ZNF451: variants seen among roughly 807,000 people sequenced by gnomAD.
ZNF451 encodes the protein zinc finger protein 451, also known as E3 SUMO-protein ligase ZNF451.
ZNF451 carries 80 observed loss-of-function variants against 107.1 expected under a neutral mutation model. The ratio of observed to expected loss-of-function variants is 0.75; its 90% CI spans 0.62 to 0.90. The LOEUF is 0.90. Among genes scored for constraint, ZNF451 ranks in the 40% least tolerant of loss-of-function variants. The pLI, the probability that ZNF451 is intolerant of heterozygous loss-of-function variation, is 0.00. For missense variants in ZNF451, 1,107 were observed against 1,236.2 expected, an observed-to-expected ratio of 0.90 and a Z score of 1.57; for synonymous variants, 362 against 406.5, an observed-to-expected ratio of 0.89 and a Z score of 1.32.
At chr6:57,105,325 CAA>C (rs1166091630) in intron 3 of ZNF451, 2 of 983,684 alleles carry the variant, frequency 2.0e-6, no homozygotes, top group African/African-American at 1.7e-5. Flanking sequence ...TATATAGAGA[CAA>C]TATGGTTTCT....
intron 3 of ZNF451, chr6:57,104,088 T>C: frequency 1.0e-6 from 1 of 984,522 alleles, no homozygotes; most frequent in Non-Finnish European, 1.2e-6. Context: ...AATATTTATC[T>C]TATTTTTCTG....
rs576639300 is a variant in ZNF451 at position 57,134,926 on chromosome 6, G to A, written c.702+56G>A. ...TTTTTCTAGATAGCCATGGAGTTAA[G>A]TGGAGGTTTTTTCCTGCTGTTCTTA... On this transcript the variant is annotated intron_variant, in intron 7 of 14. Transcript: ENST00000370706. 31 of 1,481,676 alleles carry A rather than the reference G, an allele frequency of 2.1e-5. 1 individual carries two copies. The South Asian group carries it at 3.6e-4, about 17-fold the overall frequency. 91.8% of individuals were successfully genotyped at this position (1,481,676 alleles called of 1,614,324 possible).
intron 3 of ZNF451, chr6:57,104,582 C>T (rs535449466): frequency 2.0e-6 from 2 of 985,082 alleles, no homozygotes; most frequent in African/African-American, 3.5e-5. Context: ...TTCCCCTTCC[C>T]TTTGCCTTTT....
rs758611945 is a variant in ZNF451, at chr6:57,134,704, G to A, written c.576-40G>A. ...GACATAGTTGTTTCCCTAGAATGTA[G>A]ATTTATCTAATATTACCTCTTACCT... On this transcript the variant is annotated intron_variant, in intron 6 of 14. Transcript: ENST00000370706. 4 of 1,588,598 alleles carry A rather than the reference G, an allele frequency of 2.5e-6. No individual in the cohort carries two copies. In the East Asian group the frequency reaches 9.0e-5, roughly 36 times the overall value.
intron 11 of ZNF451, 90 bp from the exon 12 acceptor site, chr6:57,152,130 AT>A: frequency 7.3e-7 from 1 of 1,369,724 alleles, no homozygotes. Context: ...CTCTAGAAAA[AT>A]TTTTTTCTAG....
intron 3 of ZNF451, chr6:57,116,777 G>A (rs1277689460): frequency 6.6e-6 from 1 of 151,966 alleles, no homozygotes; most frequent in Non-Finnish European, 1.5e-5. Flanking sequence ...AGTATTGGTA[G>A]CCAGAGTTCC....
intron 3 of ZNF451, chr6:57,101,289 T>G: frequency 1.7e-5 from 27 of 1,550,912 alleles, no homozygotes; most frequent in Non-Finnish European, 2.4e-5. Context: ...ATTGTGTGAC[T>G]TCTAAAAAAC....
chr6:57,157,040 G>C (rs1248631896), intron 13 of ZNF451, among the ~76,000 whole-genome samples: 1 of 152,136 alleles, frequency 6.6e-6, no homozygotes, highest in Non-Finnish European at 1.5e-5. Context: ...CCTGGGGTTG[G>C]GGACTCCTGC....
intron 3 of ZNF451, among the ~76,000 whole-genome samples, chr6:57,112,919 G>A (rs889302240): frequency 1.3e-5 from 2 of 152,126 alleles, no homozygotes; most frequent in Admixed American, 1.3e-4. Context: ...TCATTAAAAA[G>A]CCACAAAGTA....
chr6:57,109,296 T>C (rs1025676766), intron 3 of ZNF451: 4 of 983,196 alleles, frequency 4.1e-6, no homozygotes, highest in East Asian at 2.4e-4. Context: ...TTGTTTCATA[T>C]ACACACATTT....
intron 7 of ZNF451, among the ~76,000 whole-genome samples, chr6:57,138,733 A>G (rs1224751253): frequency 0.049 from 5,373 of 108,994 alleles, 177 homozygotes; most frequent in Non-Finnish European, 0.067. Flanking sequence ...ATATATATAT[A>G]TATATATATG....
intron 14 of ZNF451, among the ~76,000 whole-genome samples, chr6:57,164,023 G>C (rs1460401694): frequency 6.6e-6 from 1 of 152,172 alleles, no homozygotes; most frequent in Non-Finnish European, 1.5e-5. Flanking sequence ...CAGAAGACAG[G>C]ATAAATCTGC....
At chr6:57,138,767 GTGTGTGTGTA>G (rs1831593349) in intron 7 of ZNF451, among the ~76,000 whole-genome samples, 3 of 127,598 alleles carry the variant, frequency 2.4e-5, no homozygotes, top group African/African-American at 5.8e-5. Context: ...GTGTGTGTGT[GTGTGTGTGTA>G]TATATATATA....
At chr6:57,132,991 A>T in intron 5 of ZNF451, 51 bp from the exon 6 acceptor site, 5 of 1,593,082 alleles carry the variant, frequency 3.1e-6, no homozygotes, top group Non-Finnish European at 4.3e-6. Context: ...ACTAGCCCAA[A>T]GGATAAGTAT....
intron 7 of ZNF451, among the ~76,000 whole-genome samples, chr6:57,136,094 T>A (rs977116233): frequency 6.6e-6 from 1 of 152,264 alleles, no homozygotes; most frequent in African/African-American, 2.4e-5. Context: ...CAGATTTTAT[T>A]TTACACTGAC....
intron 13 of ZNF451, 52 bp from the exon 14 acceptor site, chr6:57,161,032 G>T: frequency 8.6e-7 from 1 of 1,158,444 alleles, no homozygotes; most frequent in South Asian, 1.6e-5. Context: ...ATAATATTGA[G>T]AATACATAAA....
intron 13 of ZNF451, among the ~76,000 whole-genome samples, chr6:57,157,617 A>C (rs1031064804): frequency 6.6e-6 from 1 of 152,210 alleles, no homozygotes; most frequent in East Asian, 1.9e-4. Context: ...ACATTTAAAA[A>C]GTCTATTAAC....
At chr6:57,130,217 T>C (rs1831119562) in intron 5 of ZNF451, among the ~76,000 whole-genome samples, 1 of 152,140 alleles carries the variant, frequency 6.6e-6, no homozygotes, top group Admixed American at 6.5e-5. Flanking sequence ...AGCCTAGAAC[T>C]TGGGCTCCAA....
intron 13 of ZNF451, chr6:57,159,215 TATG>T: frequency 2.0e-6 from 2 of 985,450 alleles, no homozygotes; most frequent in South Asian, 4.7e-5. Context: ...AGAAACCTTT[TATG>T]ATATTAATAT....
Sources: allele counts gnomAD v4.1 joint callset (sites outside exome capture counted in the v4.1 genomes callset), GRCh38; gene constraint gnomAD v4.1.1; transcripts MANE v1.5; gene names NCBI Gene and HGNC (gene_info 2026-07-23, HGNC 2026-07-21).